Variants in SIK2 observed in about 807,000 individuals in gnomAD.
The protein encoded by SIK2 is salt inducible kinase 2.
Under a neutral mutation model 103.2 loss-of-function variants are expected in SIK2, and 29 were observed. The ratio of observed to expected loss-of-function variants is 0.28; its 90% CI spans 0.21 to 0.38. The LOEUF (loss-of-function observed/expected upper bound fraction) is 0.38. SIK2 is among the 10% of genes least tolerant of loss of function. The pLI, the probability that SIK2 is intolerant of heterozygous loss-of-function variation, is 1.00. For missense variants in SIK2, 879 were observed against 1,171.0 expected (o/e 0.75, Z 3.64); for synonymous variants, 412 against 446.1 (o/e 0.92, Z 0.96).
intron 3 of SIK2, among the ~76,000 whole-genome samples, chr11:111,670,593 A>C (rs983130368): frequency 2.0e-5 from 3 of 152,252 alleles, no homozygotes; most frequent in African/African-American, 4.8e-5. Context: ...GATGAACTTT[A>C]AATTTAAAGT....
Position 111,705,937 on chromosome 11 carries a change from A to G in SIK2, c.1101+798A>G, listed in dbSNP as rs1276822630. Among the ~76,000 whole-genome samples, 5 of 152,210 alleles carry G rather than the reference A, an allele frequency of 3.3e-5. No homozygotes were observed. The highest frequency in any genetic ancestry group is 7.3e-5 in the Non-Finnish European group (5 of 68,034). ...CTCATATGGCACTGTTGGAAGTAGA[A>G]AAGAAGGGGCAAGTATAAGAACCAT... On this transcript the variant is annotated intron_variant, in intron 8 of 14. Coordinates refer to ENST00000304987, the MANE Select transcript of SIK2 (RefSeq NM_015191.3). This position sits in a 1 kb window ranked among gnomAD's most constrained non-coding sequence, Gnocchi z 4.3.
chr11:111,615,286 A>AT (rs1203254697), intron 1 of SIK2, among the ~76,000 whole-genome samples: 3 of 103,958 alleles, frequency 2.9e-5, no homozygotes, highest in Non-Finnish European at 5.7e-5. Context: ...CCCCATCTGC[A>AT]TTAAAAAAAA....
At chr11:111,671,178 C>A in intron 3 of SIK2, 1 of 251,686 alleles carries the variant, frequency 4.0e-6, no homozygotes, top group Non-Finnish European at 7.8e-6. Context: ...TATGGATACT[C>A]ATATTCTGCA....
chr11:111,722,200 CTTCT>C lies in SIK2; in HGVS notation c.2055+269_2055+272del, dbSNP rs1263685496. 1.3e-5 allele frequency among the ~76,000 whole-genome samples: 2 copies of C among 152,180 alleles called. No individual in the cohort carries two copies. Among genetic ancestry groups the C allele is most frequent in the Non-Finnish European group, 2.9e-5 (2 of 68,034 alleles). On this transcript the variant is annotated intron_variant, in intron 13 of 14. Transcript: ENST00000304987. This position sits in a 1 kb window ranked among gnomAD's most constrained non-coding sequence, Gnocchi z 4.4. ...TGAGGGGTGGGAACGGGAGACCTGG[CTTCT>C]TTCTTTCTAATTGTATTCCTCTTAA...
At chr11:111,643,775 T>G (rs1942215008) in intron 3 of SIK2, among the ~76,000 whole-genome samples, 1 of 150,810 alleles carries the variant, frequency 6.6e-6, no homozygotes, top group South Asian at 2.1e-4. Flanking sequence ...ATCACACCAT[T>G]GCACTCAAGC....
At chr11:111,700,124 T>C (rs1488408881) in intron 4 of SIK2, among the ~76,000 whole-genome samples, 2 of 152,258 alleles carry the variant, frequency 1.3e-5, no homozygotes, top group African/African-American at 4.8e-5. Flanking sequence ...ACTTACTAAA[T>C]TTTTTAATGC....
chr11:111,653,226 C>T (rs762848314), intron 3 of SIK2, among the ~76,000 whole-genome samples: 7 of 152,136 alleles, frequency 4.6e-5, no homozygotes, highest in Admixed American at 6.5e-5. Context: ...TGGGAAAAGA[C>T]GTTATTACTT....
chr11:111,617,994 G>A (rs1450719352), intron 2 of SIK2, among the ~76,000 whole-genome samples: 1 of 151,912 alleles, frequency 6.6e-6, no homozygotes, highest in African/African-American at 2.4e-5. Context: ...TTGAACTCCT[G>A]GGCTCAAAGG....
chr11:111,654,791 CT>C (rs1485760668), intron 3 of SIK2, among the ~76,000 whole-genome samples: 1 of 152,160 alleles, frequency 6.6e-6, no homozygotes, highest in Non-Finnish European at 1.5e-5. Flanking sequence ...TCTGTTGTGT[CT>C]TATTAAGAAT....
chr11:111,646,733 G>A (rs977706880), intron 3 of SIK2, among the ~76,000 whole-genome samples: 1 of 152,116 alleles, frequency 6.6e-6, no homozygotes, highest in Non-Finnish European at 1.5e-5. Flanking sequence ...AATTTTGTCT[G>A]GTTTCTTTCA....
intron 2 of SIK2, among the ~76,000 whole-genome samples, chr11:111,618,327 C>T (rs1348381883): frequency 6.6e-6 from 1 of 152,084 alleles, no homozygotes; most frequent in Non-Finnish European, 1.5e-5. Flanking sequence ...ACGGACTGCA[C>T]CAGTCTGTGA....
chr11:111,659,532 C>T (rs189651560), intron 3 of SIK2, among the ~76,000 whole-genome samples: 14 of 152,338 alleles, frequency 9.2e-5, no homozygotes, highest in Non-Finnish European at 2.1e-4. Flanking sequence ...CTCTCTGCTT[C>T]TTGAGACACA....
chr11:111,690,609 G>A (rs1340918162), intron 4 of SIK2, among the ~76,000 whole-genome samples: 1 of 102,422 alleles, frequency 9.8e-6, no homozygotes, highest in Middle Eastern at 4.1e-3. Flanking sequence ...CTCCCTCCCC[G>A]CCTCCCCTCA....
At chr11:111,673,738 A>T (rs1486606003) in intron 3 of SIK2, among the ~76,000 whole-genome samples, 1 of 152,236 alleles carries the variant, frequency 6.6e-6, no homozygotes, top group Non-Finnish European at 1.5e-5. Flanking sequence ...ACATTTTTAT[A>T]TAAAACTGAT....
rs1943997848 is a variant in SIK2, at chr11:111,727,140, C to A, written c.*3011C>A. On this transcript the variant is annotated 3_prime_UTR_variant, in exon 15 of 15. Coordinates refer to ENST00000304987, the MANE Select transcript of SIK2 (RefSeq NM_015191.3). ...CGGTGACACTGACCGTCCCCAGCTG[C>A]CCCCTCGCCACCTCTGCCTGCACTG... 1.7e-6 allele frequency: 2 copies of A among 1,198,852 alleles called. No individual in the cohort carries two copies. Among genetic ancestry groups the A allele is most frequent in the Non-Finnish European group, 2.5e-6 (2 of 813,802 alleles). 74.3% of individuals were successfully genotyped at this position (1,198,852 alleles called of 1,614,324 possible). A position where few individuals can be genotyped will look rare whatever the true frequency, so the allele number is the denominator to read the frequency against.
rs1440679724 is a variant in SIK2, at chr11:111,633,048, A to G, written c.316+12646A>G. 2.0e-5 allele frequency among the ~76,000 whole-genome samples: 3 copies of G among 152,000 alleles called. No homozygotes were observed. The East Asian group carries it at 5.8e-4, about 29-fold the overall frequency. On this transcript the variant is annotated intron_variant, in intron 3 of 14. Transcript: ENST00000304987. ...ACCAAATCTAATTAACTCCCACAAA[A>G]CCCATAGCTAAGCTAATCTCCATAT...
chr11:111,652,549 T>C (rs535151663), intron 3 of SIK2, among the ~76,000 whole-genome samples: 2 of 152,336 alleles, frequency 1.3e-5, no homozygotes, highest in East Asian at 3.9e-4. Flanking sequence ...GTAACTTGAA[T>C]AATGTAACTG....
chr11:111,681,756 T>G (rs371609220), intron 3 of SIK2, among the ~76,000 whole-genome samples: 5 of 152,168 alleles, frequency 3.3e-5, no homozygotes, highest in African/African-American at 7.2e-5. Context: ...TTTCACCTAA[T>G]AAATGTGGCA....
intron 1 of SIK2, among the ~76,000 whole-genome samples, chr11:111,613,896 A>T (rs1056201308): frequency 2.6e-5 from 4 of 152,194 alleles, no homozygotes; most frequent in Admixed American, 6.5e-5. Flanking sequence ...ACCTGTGGAC[A>T]GCAAGTTAGA....
Sources: allele counts gnomAD v4.1 joint callset (sites outside exome capture counted in the v4.1 genomes callset), GRCh38; gene constraint gnomAD v4.1.1; non-coding constraint Gnocchi (gnomAD v3.1); transcripts MANE v1.5; gene names NCBI Gene and HGNC (gene_info 2026-07-23, HGNC 2026-07-21).